The following WFDC6 variants were observed in gnomAD, a reference collection of about 807,000 sequenced individuals.
WFDC6 encodes the protein WAP four-disulfide core domain protein 6.
In WFDC6, 10 loss-of-function variants were observed where a neutral mutation model predicts 8.2. The observed-to-expected ratio is 1.22, with a 90% confidence interval of 0.75 to 2.07. WFDC6 has a LOEUF of 2.07. Ranked by LOEUF, WFDC6 falls within the 30% of genes most tolerant of loss-of-function variation. The pLI, the probability that WFDC6 is intolerant of heterozygous loss-of-function variation, is 0.00. For synonymous variants in WFDC6, 28 were observed against 37.0 expected (o/e 0.76, Z 0.88); for missense variants, 105 against 104.9 (o/e 1.00, Z 0.00).
intron 1 of WFDC6, among the ~76,000 whole-genome samples, chr20:45,539,025 A>G (rs1473510232): frequency 6.6e-6 from 1 of 151,868 alleles, no homozygotes; most frequent in Non-Finnish European, 1.5e-5. Flanking sequence ...CTTGTGGGAG[A>G]CTTCCTTGGG....
chr20:45,537,298 A>G, intron 2 of WFDC6: 1 of 569,654 alleles, frequency 1.8e-6, no homozygotes, highest in South Asian at 2.2e-5. Flanking sequence ...TTTTGGTCTA[A>G]GTACTCATCT....
In WFDC6 at chr20:45,539,470, C is replaced by T. The variant is rs1979503391; in HGVS notation, c.-63G>A. Reference sequence around the variant, plus strand: ...AAGAACTGCTCCTCAGCAGCTCCTACATCTGCACTTTGCCTGCCCCGGTGT... The same window carrying T: ...AAGAACTGCTCCTCAGCAGCTCCTATATCTGCACTTTGCCTGCCCCGGTGT... On this transcript the variant is annotated 5_prime_UTR_variant, in exon 1 of 3. An upstream start codon of the reference 5' UTR is lost. Transcript: ENST00000372670. The T allele has an allele frequency of 1.3e-6, 2 of 1,494,440 alleles. No individual in the cohort carries two copies. Among genetic ancestry groups the T allele is most frequent in the Admixed American group, 1.7e-5 (1 of 59,568 alleles). 92.6% of individuals were successfully genotyped at this position (1,494,440 alleles called of 1,614,324 possible). A position where few individuals can be genotyped will look rare whatever the true frequency, so the allele number is the denominator to read the frequency against.
intron 2 of WFDC6, chr20:45,535,441 G>A: frequency 8.6e-7 from 1 of 1,168,370 alleles, no homozygotes; most frequent in Non-Finnish European, 1.1e-6. Context: ...AAGCAAATTT[G>A]CCTCAGGGCT....
At chr20:45,536,253 A>T (rs550193335) in intron 2 of WFDC6, among the ~76,000 whole-genome samples, 6 of 44,626 alleles carry the variant, frequency 1.3e-4, no homozygotes, top group African/African-American at 5.3e-4. Flanking sequence ...TATTCACAGA[A>T]AAAAAAAAAA....
intron 2 of WFDC6, chr20:45,535,152 G>A: frequency 1.5e-6 from 2 of 1,302,524 alleles, no homozygotes; most frequent in Non-Finnish European, 2.0e-6. Flanking sequence ...CGGGACCTCT[G>A]GGACTTATGG....
intron 1 of WFDC6, among the ~76,000 whole-genome samples, 170 bp from the exon 2 acceptor site, chr20:45,538,264 C>G (rs1979447624): frequency 6.6e-6 from 1 of 152,156 alleles, no homozygotes; most frequent in East Asian, 1.9e-4. Flanking sequence ...GCTCACATCC[C>G]CAACCCCATA....
intron 2 of WFDC6, chr20:45,535,250 A>C (rs1489570437): frequency 7.7e-7 from 1 of 1,304,040 alleles, no homozygotes; most frequent in Non-Finnish European, 1.0e-6. Context: ...TTCGGAGCAG[A>C]TCTTAGTTTT....
intron 2 of WFDC6, among the ~76,000 whole-genome samples, chr20:45,535,576 G>T (rs1396608236): frequency 2.0e-5 from 3 of 152,228 alleles, no homozygotes; most frequent in Non-Finnish European, 2.9e-5. Flanking sequence ...GGAAGGAGCA[G>T]CTGTGACATC....
intron 2 of WFDC6, 110 bp from the exon 3 acceptor site, chr20:45,534,615 C>T: frequency 7.5e-7 from 1 of 1,341,450 alleles, no homozygotes; most frequent in Non-Finnish European, 1.0e-6. Context: ...CATCTTTGGG[C>T]AGGAATGGAA....
At position 45,537,971 on chromosome 20, in the gene WFDC6, A is replaced by G; in HGVS notation, c.215T>C (p.Phe72Ser). Residue 72 changes from phenylalanine (F) to serine (S), a missense_variant, in exon 2 of 3, where the codon TTC (phenylalanine) becomes TCC (serine). Phe to Ser is a radical substitution (Grantham distance 155). Coordinates refer to ENST00000372670, the MANE Select transcript of WFDC6 (RefSeq NM_080827.2). ...PFSRGKKCLD[F>S]RKVSLTLYHK... ...AGGAAGCATCTGAGTTACCTTTCTG[A>G]AGTCTAAACATTTCTTTCCACGGCT... 6.2e-7 allele frequency: 1 copy of G among 1,613,922 alleles called. No individual in the cohort carries two copies.
intron 2 of WFDC6, chr20:45,535,414 C>T (rs1979328069): frequency 8.3e-7 from 1 of 1,201,960 alleles, no homozygotes; most frequent in Non-Finnish European, 1.1e-6. Flanking sequence ...GCCACCATTC[C>T]CTTTGTCTCC....
In WFDC6 at chr20:45,539,474, T is replaced by C. The variant is rs1254355248; in HGVS notation, c.-67A>G. The stretch of plus-strand genomic sequence containing the variant: ...ACTGCTCCTCAGCAGCTCCTACATC[T>C]GCACTTTGCCTGCCCCGGTGTGGCC... On this transcript the variant is annotated 5_prime_UTR_variant, in exon 1 of 3. Transcript: ENST00000372670. The C allele has an allele frequency of 2.7e-6, 4 of 1,471,550 alleles. No individual in the cohort carries two copies. The highest frequency in any genetic ancestry group is 3.8e-6 in the Non-Finnish European group (4 of 1,052,406). The allele number at this position is 1,471,550 out of a possible 1,614,324, so 91.2% of individuals were successfully genotyped here. A position where few individuals can be genotyped will look rare whatever the true frequency, so the allele number is the denominator to read the frequency against.
chr20:45,534,388 T>G lies in WFDC6; in HGVS notation c.*79A>C. ...GTTCAGTTTCTGGAACAGCCAAGGT[T>G]TGGCCCGTGGAAGCCAATTTGGAGC... On this transcript the variant is annotated 3_prime_UTR_variant, in exon 3 of 3. Coordinates refer to ENST00000372670, the MANE Select transcript of WFDC6 (RefSeq NM_080827.2). 6.4e-7 allele frequency: 1 copy of G among 1,553,936 alleles called. No homozygotes were observed. Among genetic ancestry groups the G allele is most frequent in the Non-Finnish European group, 8.9e-7 (1 of 1,125,412 alleles).
chr20:45,538,088 C>T lies in WFDC6; in HGVS notation c.98G>A (p.Cys33Tyr). 2 of 1,613,932 alleles carry T rather than the reference C, an allele frequency of 1.2e-6. No homozygotes were observed. Among genetic ancestry groups the T allele is most frequent in the Non-Finnish European group, 1.7e-6 (2 of 1,179,886 alleles). The change falls in exon 2 of 3, where the codon TGT becomes TAT. Residue 33 changes from cysteine (C) to tyrosine (Y), a missense_variant. Transcript: ENST00000372670. ...GHAEGILGKP[C>Y]PKIKVECEVE... ...TTCGCATTCCACTTTGATTTTGGGA[C>T]ACGGCTCTAAGGGAGGGGAAGATAT...
rs531085730 is a variant in WFDC6 at position 45,537,948 on chromosome 20, G to C, written c.222+16C>G. On this transcript the variant is annotated intron_variant, in intron 2 of 2. Coordinates refer to ENST00000372670, the MANE Select transcript of WFDC6 (RefSeq NM_080827.2). ...GAGGTGAGGGCACTGGGTAATTTAG[G>C]AAGCATCTGAGTTACCTTTCTGAAG... 2 of 1,613,870 alleles carry C rather than the reference G, an allele frequency of 1.2e-6. No homozygotes were observed. The highest frequency in any genetic ancestry group is 2.2e-5 in the South Asian group (2 of 91,066).
chr20:45,538,181 G>C, intron 1 of WFDC6, 87 bp from the exon 2 acceptor site: 1 of 1,594,578 alleles, frequency 6.3e-7, no homozygotes, highest in East Asian at 2.2e-5. Flanking sequence ...TCCAGAGTTA[G>C]AGAACTTTGT....
At chr20:45,536,486 TC>T (rs1315575348) in intron 2 of WFDC6, among the ~76,000 whole-genome samples, 5 of 152,302 alleles carry the variant, frequency 3.3e-5, no homozygotes, top group African/African-American at 9.6e-5. Context: ...GTAAAGTAGG[TC>T]CTCTCATTGT....
At chr20:45,535,395 C>A in intron 2 of WFDC6, 3 of 1,221,122 alleles carry the variant, frequency 2.5e-6, no homozygotes, top group Admixed American at 6.3e-5. Context: ...CCATCTCTCC[C>A]CTTCTCTGGC....
chr20:45,538,170 C>T, intron 1 of WFDC6, 76 bp from the exon 2 acceptor site: 1 of 1,603,590 alleles, frequency 6.2e-7, no homozygotes, highest in Non-Finnish European at 8.5e-7. Flanking sequence ...CAGGGCACCC[C>T]TCCAGAGTTA....
Sources: gnomAD v4.1 joint callset for allele counts (sites outside exome capture counted in the v4.1 genomes callset) on GRCh38, gnomAD v4.1.1 for gene constraint, MANE v1.5 for transcripts, NCBI Gene and HGNC (gene_info 2026-07-23, HGNC 2026-07-21) for gene names.